Variants in HOMER1 observed in about 807,000 individuals in gnomAD.
HOMER1 encodes homer scaffold protein 1.
A neutral mutation model predicts 48.9 loss-of-function variants in HOMER1; 3 were observed. That is an observed-to-expected ratio of 0.06 (90% CI 0.03 to 0.16). The LOEUF (loss-of-function observed/expected upper bound fraction) is 0.16, where lower values mean the gene tolerates loss of function less well. HOMER1 is among the 10% of genes least tolerant of loss of function. HOMER1 has a pLI of 1.00. For missense variants in HOMER1, 247 were observed against 411.4 expected (o/e 0.60, Z 3.46); for synonymous variants, 134 against 146.4 (o/e 0.92, Z 0.61).
At chr5:79,416,397 T>C (rs1749944642) in intron 5 of HOMER1, among the ~76,000 whole-genome samples, 2 of 152,220 alleles carry the variant, frequency 1.3e-5, no homozygotes, top group Admixed American at 6.5e-5. Context: ...CTATGTTATG[T>C]GTACTCCATA....
At chr5:79,447,207 C>A in intron 3 of HOMER1, 62 bp from the exon 4 acceptor site, 1 of 986,532 alleles carries the variant, frequency 1.0e-6, no homozygotes, top group Admixed American at 1.8e-5. Flanking sequence ...CCCACTTTTA[C>A]CTTAGTAAAG....
Position 79,481,701 on chromosome 5 carries a change from A to G in HOMER1, c.6-24683T>C, listed in dbSNP as rs530113892. Among the ~76,000 whole-genome samples, 3 of 152,334 alleles carry G rather than the reference A, an allele frequency of 2.0e-5. No individual in the cohort carries two copies. The East Asian group carries it at 5.8e-4, about 29-fold the overall frequency. ...GCAAGTAGAACAATCCCCAGGACTC[A>G]CATAAAACCAGAAACAGTTCATGTT... On this transcript the variant is annotated intron_variant, in intron 1 of 8. Transcript: ENST00000334082.
rs34697575 is a variant in HOMER1, at chr5:79,507,212, C to CAA, written c.5+5556_5+5557dup. 6.6e-3 allele frequency among the ~76,000 whole-genome samples: 333 copies of CAA among 50,350 alleles called. 1 individual carries two copies. The highest frequency in any genetic ancestry group is 0.019 in the Middle Eastern group (1 of 54). 33.0% of individuals were successfully genotyped at this position (50,350 alleles called of 152,430 possible). A position where few individuals can be genotyped will look rare whatever the true frequency, so the allele number is the denominator to read the frequency against. On this transcript the variant is annotated intron_variant, in intron 1 of 8. Transcript: ENST00000334082. The stretch of plus-strand genomic sequence containing the variant: ...TGGGTGACAGAGTGAGGCTCTATCT[C>CAA]AAAAAAAAAAAAAAAAAAAAAAACC...
chr5:79,392,954 G>GGAAAGAGAGAGA (rs1749288999), intron 8 of HOMER1, among the ~76,000 whole-genome samples: 1 of 140,880 alleles, frequency 7.1e-6, no homozygotes, highest in African/African-American at 2.7e-5. Context: ...GAAGGGAAAG[G>GGAAAGAGAGAGA]GAGAGAGAGA....
intron 5 of HOMER1, among the ~76,000 whole-genome samples, chr5:79,424,764 G>A (rs765379026): frequency 5.3e-4 from 80 of 152,166 alleles, no homozygotes; most frequent in Non-Finnish European, 7.5e-4. Context: ...AGAAGTCCAG[G>A]AAGATCAGGT....
intron 1 of HOMER1, among the ~76,000 whole-genome samples, chr5:79,500,995 A>ACACAC (rs1460147206): frequency 3.2e-5 from 4 of 124,132 alleles, no homozygotes; most frequent in African/African-American, 1.5e-4. Context: ...CACACACACA[A>ACACAC]GGTCTGGCTC....
At chr5:79,460,387 C>G (rs1389617106) in intron 1 of HOMER1, among the ~76,000 whole-genome samples, 1 of 152,188 alleles carries the variant, frequency 6.6e-6, no homozygotes, top group Non-Finnish European at 1.5e-5. Flanking sequence ...AAGATCATGC[C>G]ACTGCACTCC....
intron 6 of HOMER1, among the ~76,000 whole-genome samples, chr5:79,400,639 G>A (rs1437263142): frequency 1.3e-5 from 2 of 150,418 alleles, no homozygotes; most frequent in Non-Finnish European, 3.0e-5. Flanking sequence ...TTATAGGTGT[G>A]AGCCAATGTG....
At position 79,376,090 on chromosome 5, in the gene HOMER1, T is replaced by C; in HGVS notation, c.984A>G (p.Thr328=). ...EQEAFRNNLK[T]LLEILDGKIF... ...TCTTTCCATCCAGAATTTCTAAGAG[T>C]GTCTTCAGGTTATTGCGAAAAGCTT... is the stretch of plus-strand genomic sequence containing the variant. Residue 328 remains threonine (T), a synonymous_variant, in exon 9 of 9, where the codon ACA becomes ACG. Coordinates refer to ENST00000334082, the MANE Select transcript of HOMER1 (RefSeq NM_004272.5). 6.2e-7 allele frequency: 1 copy of C among 1,613,668 alleles called. No homozygotes were observed. Among genetic ancestry groups the C allele is most frequent in the Non-Finnish European group, 8.5e-7 (1 of 1,179,728 alleles).
chr5:79,438,112 G>T (rs1278814571), intron 5 of HOMER1, among the ~76,000 whole-genome samples: 1 of 152,200 alleles, frequency 6.6e-6, no homozygotes, highest in African/African-American at 2.4e-5. Flanking sequence ...TCATGAGAAA[G>T]AGGGTTGAAG....
At chr5:79,465,873 G>A (rs1176319893) in intron 1 of HOMER1, among the ~76,000 whole-genome samples, 4 of 151,998 alleles carry the variant, frequency 2.6e-5, no homozygotes, top group African/African-American at 7.2e-5. Flanking sequence ...GATTACGGGC[G>A]TGAGCTACTG....
intron 8 of HOMER1, among the ~76,000 whole-genome samples, chr5:79,386,238 G>C (rs1343293646): frequency 6.6e-6 from 1 of 152,090 alleles, no homozygotes; most frequent in Non-Finnish European, 1.5e-5. Context: ...CAGATAAATG[G>C]ATAAAGAAAA....
rs955709205 is a variant in HOMER1, at chr5:79,373,297, C to T, written c.*2712G>A. ...TTTCAAAATAAAAACTGTATTTTTG[C>T]TTTTCTTTTTTTTTTTCAATTTTTG... On this transcript the variant is annotated 3_prime_UTR_variant, in exon 9 of 9. Transcript: ENST00000334082. The T allele has an allele frequency of 1.6e-4, 24 of 150,624 alleles. No homozygotes were observed. The highest frequency in any genetic ancestry group is 5.6e-4 in the African/African-American group (23 of 41,094). 9.3% of individuals were successfully genotyped at this position (150,624 alleles called of 1,614,324 possible). A position where few individuals can be genotyped will look rare whatever the true frequency, so the allele number is the denominator to read the frequency against.
chr5:79,452,886 G>A (rs940867463), intron 2 of HOMER1, among the ~76,000 whole-genome samples: 1 of 152,142 alleles, frequency 6.6e-6, no homozygotes, highest in Non-Finnish European at 1.5e-5. Flanking sequence ...TGTAAAATGT[G>A]GCTAATAACT....
At chr5:79,462,520 A>G (rs913180362) in intron 1 of HOMER1, among the ~76,000 whole-genome samples, 1 of 152,164 alleles carries the variant, frequency 6.6e-6, no homozygotes. Flanking sequence ...AAAGTAATAA[A>G]ATCAGAATTT....
Position 79,373,805 on chromosome 5 carries a change from C to G in HOMER1, c.*2204G>C, listed in dbSNP as rs1175423783. 2.6e-5 allele frequency: 4 copies of G among 151,802 alleles called. No homozygotes were observed. Among genetic ancestry groups the G allele is most frequent in the Admixed American group, 6.6e-5 (1 of 15,230 alleles). 9.4% of individuals were successfully genotyped at this position (151,802 alleles called of 1,614,324 possible). ...ACAAGAAAAACACTCACAAAATTTC[C>G]AATTTTAAATTTCATTATCAGTAGG... On this transcript the variant is annotated 3_prime_UTR_variant, in exon 9 of 9. Coordinates refer to ENST00000334082, the MANE Select transcript of HOMER1 (RefSeq NM_004272.5).
intron 5 of HOMER1, among the ~76,000 whole-genome samples, chr5:79,425,391 TG>T (rs34253172): frequency 0.25 from 37,724 of 151,836 alleles, 5,434 homozygotes; most frequent in East Asian, 0.58. Flanking sequence ...TTTTAAAAAG[TG>T]GTAACAGGGG....
chr5:79,396,363 T>C (rs1478074048), intron 8 of HOMER1, among the ~76,000 whole-genome samples: 1 of 151,948 alleles, frequency 6.6e-6, no homozygotes, highest in Non-Finnish European at 1.5e-5. Flanking sequence ...TTTCTTTAAA[T>C]TCAGGGTTTT....
chr5:79,387,389 A>G (rs1325242076), intron 8 of HOMER1, among the ~76,000 whole-genome samples: 1 of 152,122 alleles, frequency 6.6e-6, no homozygotes, highest in African/African-American at 2.4e-5. Context: ...TCAGCCTCCC[A>G]AAGTACTGGG....
Sources: gnomAD v4.1 joint callset for allele counts (sites outside exome capture counted in the v4.1 genomes callset) on GRCh38, gnomAD v4.1.1 for gene constraint, MANE v1.5 for transcripts, NCBI Gene and HGNC (gene_info 2026-07-23, HGNC 2026-07-21) for gene names.